Variants in TFPI observed in about 807,000 individuals in gnomAD.
The protein encoded by TFPI is anti-convertin.
TFPI carries 15 observed loss-of-function variants against 34.6 expected under a neutral mutation model. That is an observed-to-expected ratio of 0.43 (90% confidence interval 0.29 to 0.67). The LOEUF (loss-of-function observed/expected upper bound fraction) is 0.67. TFPI is among the 30% of genes least tolerant of loss of function. The pLI is 0.15. For missense variants in TFPI, 301 were observed against 364.0 expected (o/e 0.83, Z 1.41); for synonymous variants, 105 against 120.1 (o/e 0.87, Z 0.82).
chr2:187,471,091 T>A (rs1004569490), intron 6 of TFPI, among the ~76,000 whole-genome samples: 5 of 152,250 alleles, frequency 3.3e-5, no homozygotes, highest in Admixed American at 3.3e-4. Flanking sequence ...GTATTATGTG[T>A]AATTAACTTT....
intron 3 of TFPI, among the ~76,000 whole-genome samples, chr2:187,495,058 G>A (rs1413927513): frequency 6.6e-6 from 1 of 152,090 alleles, no homozygotes; most frequent in Non-Finnish European, 1.5e-5. Context: ...GGAGATGGGG[G>A]TAAGAGAGTT....
At chr2:187,506,048 T>A (rs373047686) in intron 1 of TFPI, among the ~76,000 whole-genome samples, 94 of 152,056 alleles carry the variant, frequency 6.2e-4, no homozygotes, top group African/African-American at 2.0e-3. Flanking sequence ...GCAGGAGGAA[T>A]CAAATATCTA....
At chr2:187,510,804 G>C (rs1686572620) in intron 1 of TFPI, among the ~76,000 whole-genome samples, 1 of 152,178 alleles carries the variant, frequency 6.6e-6, no homozygotes, top group Non-Finnish European at 1.5e-5. Flanking sequence ...CCTCCTTAGA[G>C]TTGTAGGCCC....
At chr2:187,545,644 G>C (rs1439211987) in intron 1 of TFPI, among the ~76,000 whole-genome samples, 4 of 152,010 alleles carry the variant, frequency 2.6e-5, no homozygotes, top group African/African-American at 9.7e-5. Context: ...GTAAATTTCA[G>C]ATTACTTACA....
chr2:187,507,499 G>C (rs1574455119), intron 1 of TFPI, among the ~76,000 whole-genome samples: 1 of 152,218 alleles, frequency 6.6e-6, no homozygotes, highest in African/African-American at 2.4e-5. Flanking sequence ...CAGTATAAAA[G>C]AGTTTTTATT....
intron 1 of TFPI, among the ~76,000 whole-genome samples, chr2:187,522,723 A>C (rs1687454675): frequency 8.3e-6 from 1 of 120,944 alleles, no homozygotes; most frequent in African/African-American, 3.1e-5. Context: ...CTCTACTAAA[A>C]ATACAAAAAA....
intron 3 of TFPI, among the ~76,000 whole-genome samples, chr2:187,496,612 T>A (rs1183065642): frequency 6.6e-6 from 1 of 152,094 alleles, no homozygotes; most frequent in Non-Finnish European, 1.5e-5. Context: ...TGACCGTACC[T>A]AAAATTTGAT....
At chr2:187,522,772 T>C (rs1285033916) in intron 1 of TFPI, among the ~76,000 whole-genome samples, 1 of 147,918 alleles carries the variant, frequency 6.8e-6, no homozygotes. Context: ...GCGCCTGTAG[T>C]CCCAACTACT....
intron 2 of TFPI, 40 bp downstream of exon 2, chr2:187,503,608 T>G: frequency 6.3e-7 from 1 of 1,598,808 alleles, no homozygotes; most frequent in South Asian, 1.1e-5. Flanking sequence ...AATTGAGAGC[T>G]TTAACTAGCT....
At chr2:187,508,856 G>A (rs956567645) in intron 1 of TFPI, among the ~76,000 whole-genome samples, 1 of 152,142 alleles carries the variant, frequency 6.6e-6, no homozygotes, top group Non-Finnish European at 1.5e-5. Context: ...GTGAGAGAGG[G>A]CATCTTTGTC....
chr2:187,498,848 T>C (rs8176441), intron 2 of TFPI, among the ~76,000 whole-genome samples: 9,995 of 152,010 alleles, frequency 0.066, 556 homozygotes, highest in East Asian at 0.24. Context: ...ACAATTGTCA[T>C]AAAATAGCTA....
chr2:187,525,525 G>T (rs879641744), intron 1 of TFPI, among the ~76,000 whole-genome samples: 2 of 151,914 alleles, frequency 1.3e-5, no homozygotes, highest in Non-Finnish European at 2.9e-5. Flanking sequence ...AGAAGAGGGG[G>T]TTTGTAGTAA....
At chr2:187,505,114 C>T (rs1861309) in intron 1 of TFPI, among the ~76,000 whole-genome samples, 11,328 of 136,892 alleles carry the variant, frequency 0.083, 533 homozygotes, top group African/African-American at 0.16. Flanking sequence ...TAATCCTTAT[C>T]GCATTTTTGA....
intron 1 of TFPI, among the ~76,000 whole-genome samples, chr2:187,552,947 G>C (rs1689146447): frequency 6.6e-6 from 1 of 151,752 alleles, no homozygotes; most frequent in African/African-American, 2.4e-5. Context: ...AATCTTTGTT[G>C]ATCCCTAATT....
intron 1 of TFPI, among the ~76,000 whole-genome samples, chr2:187,508,781 C>G (rs565588270): frequency 2.6e-5 from 4 of 152,136 alleles, no homozygotes; most frequent in Non-Finnish European, 5.9e-5. Flanking sequence ...TTTGAATAAA[C>G]TTTATTTCTT....
Position 187,466,723 on chromosome 2 carries a change from G to A in TFPI, c.*213C>T, listed in dbSNP as rs535690610. On this transcript the variant is annotated 3_prime_UTR_variant, in exon 8 of 8. Transcript: ENST00000233156. ...GATCCAGAAAATAAGTAATTTCCCA[G>A]TAGCCAGTTAATAAATTACAGACCT... 8.6e-5 allele frequency: 25 copies of A among 289,688 alleles called. No homozygotes were observed. In the East Asian group the frequency reaches 8.9e-4, roughly 10 times the overall value. 17.9% of individuals were successfully genotyped at this position (289,688 alleles called of 1,614,324 possible).
At chr2:187,543,572 T>C (rs1688693259) in intron 1 of TFPI, among the ~76,000 whole-genome samples, 1 of 152,234 alleles carries the variant, frequency 6.6e-6, no homozygotes, top group Non-Finnish European at 1.5e-5. Context: ...TGTTTGCTCA[T>C]GAAACATTCT....
At chr2:187,531,926 A>T (rs541779440) in intron 1 of TFPI, among the ~76,000 whole-genome samples, 9 of 151,598 alleles carry the variant, frequency 5.9e-5, no homozygotes, top group South Asian at 2.1e-4. Flanking sequence ...TTTATTTAAA[A>T]TTTTTTTTTC....
chr2:187,484,057 C>T, intron 6 of TFPI, 67 bp downstream of exon 6: 1 of 1,313,192 alleles, frequency 7.6e-7, no homozygotes, highest in Non-Finnish European at 1.1e-6. Context: ...ACTTCTAATA[C>T]ACAATCCACT....
Sources: gnomAD v4.1 joint callset for allele counts (sites outside exome capture counted in the v4.1 genomes callset) on GRCh38, gnomAD v4.1.1 for gene constraint, MANE v1.5 for transcripts, NCBI Gene and HGNC (gene_info 2026-07-23, HGNC 2026-07-21) for gene names.